Variants in PLXDC1 observed in about 807,000 individuals in gnomAD.
The protein encoded by PLXDC1 is plexin domain containing 1.
A neutral mutation model predicts 61.3 loss-of-function variants in PLXDC1; 39 were observed. That is an observed-to-expected ratio of 0.64 (90% CI 0.49 to 0.83). The LOEUF is 0.83. Among genes scored for constraint, PLXDC1 ranks in the 40% least tolerant of loss-of-function variants. The pLI is 0.00. For synonymous variants in PLXDC1, 212 were observed against 254.5 expected (o/e 0.83, Z 1.59); for missense variants, 596 against 666.5 (o/e 0.89, Z 1.17).
At chr17:39,149,622 T>C (rs2144007406) in intron 1 of PLXDC1, among the ~76,000 whole-genome samples, 1 of 152,288 alleles carries the variant, frequency 6.6e-6, no homozygotes, top group Middle Eastern at 3.4e-3. Flanking sequence ...CTTAGAGAAG[T>C]GATTCAAGTC....
At chr17:39,078,348 C>T (rs888479376) in intron 10 of PLXDC1, among the ~76,000 whole-genome samples, 3 of 152,168 alleles carry the variant, frequency 2.0e-5, no homozygotes, top group Non-Finnish European at 4.4e-5. Context: ...GGGCCCGTCA[C>T]CTTCTAGCAG....
intron 7 of PLXDC1, among the ~76,000 whole-genome samples, chr17:39,098,290 T>TA (rs1354749092): frequency 1.3e-5 from 2 of 150,392 alleles, no homozygotes; most frequent in East Asian, 3.9e-4. Flanking sequence ...TCCCGTAAGC[T>TA]AAAAACCTCT....
chr17:39,091,421 G>T (rs763849294), intron 7 of PLXDC1, among the ~76,000 whole-genome samples: 2 of 152,052 alleles, frequency 1.3e-5, no homozygotes, highest in Non-Finnish European at 2.9e-5. Flanking sequence ...TCCTTCCTTC[G>T]CCCGACTCCT....
chr17:39,139,784 C>A lies in PLXDC1; in HGVS notation c.125G>T (p.Arg42Leu), dbSNP rs35450036. 1,739 of 1,613,748 alleles carry A rather than the reference C, an allele frequency of 1.1e-3. 7 individuals carry two copies. The African/African-American group carries it at 0.014, about 13-fold the overall frequency. ...GSGWAAKGTVRGWNRRARESP... is the reference protein window; with the variant it reads ...GSGWAAKGTVLGWNRRARESP... Reference sequence around the variant, plus strand: ...CTCTCGGGCTCTCCGGTTCCAGCCCCGCACGGTCCCTTTGGCAGCCCATCC... The same window carrying A: ...CTCTCGGGCTCTCCGGTTCCAGCCCAGCACGGTCCCTTTGGCAGCCCATCC... The change falls in exon 2 of 14, where the codon CGG becomes CTG. Residue 42 changes from arginine to leucine, a missense_variant. Arg to Leu is a moderately radical substitution (Grantham distance 102). Transcript: ENST00000315392.
intron 13 of PLXDC1, 126 bp from the exon 14 acceptor site, chr17:39,068,085 G>A: frequency 1.2e-6 from 1 of 826,010 alleles, no homozygotes; most frequent in Non-Finnish European, 1.9e-6. Context: ...GGGCCTACCA[G>A]GAGCCACACA....
At chr17:39,079,366 C>G in intron 9 of PLXDC1, 1 of 610,836 alleles carries the variant, frequency 1.6e-6, no homozygotes, top group South Asian at 1.5e-5. Context: ...CCACCCAGCT[C>G]CCCAGGACCA....
At chr17:39,139,437 G>A (rs1911858210) in intron 2 of PLXDC1, among the ~76,000 whole-genome samples, 1 of 152,196 alleles carries the variant, frequency 6.6e-6, no homozygotes, top group African/African-American at 2.4e-5. Flanking sequence ...GTCCAGGAGG[G>A]AGTAGGCAGC....
At chr17:39,109,904 A>C (rs1403763269) in intron 2 of PLXDC1, among the ~76,000 whole-genome samples, 1 of 152,224 alleles carries the variant, frequency 6.6e-6, no homozygotes, top group Admixed American at 6.5e-5. Context: ...GCACTTTGGG[A>C]GGCCGAGGCG....
Position 39,139,682 on chromosome 17 carries a change from G to C in PLXDC1, c.227C>G (p.Thr76Arg). ...CACCCTGGTCCTGTTATCTGGCAGC[G>C]TGTCCATGGCCAGGGTGCCCCCACC... is the stretch of plus-strand genomic sequence containing the variant. ...DLGGGTLAMD[T>R]LPDNRTRVVE... is the part of the protein sequence containing the mutation. Residue 76 changes from threonine to arginine, a missense_variant, in exon 2 of 14, where the codon ACG (threonine) becomes AGG (arginine). By Grantham distance (71) the Thr-to-Arg change is moderately conservative. Transcript: ENST00000315392. 1 of 1,613,342 alleles carries C rather than the reference G, an allele frequency of 6.2e-7. No individual in the cohort carries two copies.
At chr17:39,080,882 T>C (rs1414673181) in intron 9 of PLXDC1, 1 of 152,596 alleles carries the variant, frequency 6.6e-6, no homozygotes. Flanking sequence ...ATTTAACTCA[T>C]AGTCTCTGAA....
At position 39,131,041 on chromosome 17, in the gene PLXDC1, C is replaced by T. The variant is rs528869970; in HGVS notation, c.255+8613G>A. Among the ~76,000 whole-genome samples the T allele has an allele frequency of 6.6e-4, 101 of 152,214 alleles. 1 individual carries two copies. The highest frequency in any genetic ancestry group is 2.3e-3 in the African/African-American group (97 of 41,512). ...CCGGGAGCAGTGTTGTGACCCGAAG[C>T]GGAGGGGAGACCACCAGGACCAAGA... On this transcript the variant is annotated intron_variant, in intron 2 of 13. Transcript: ENST00000315392.
At chr17:39,076,090 AG>A (rs1320775840) in intron 11 of PLXDC1, among the ~76,000 whole-genome samples, 58 of 63,236 alleles carry the variant, frequency 9.2e-4, no homozygotes, top group African/African-American at 2.0e-3. Context: ...AAAAAAAAAA[AG>A]AAAAAAAAAA....
chr17:39,135,429 C>A (rs1296447630), intron 2 of PLXDC1, among the ~76,000 whole-genome samples: 1 of 152,214 alleles, frequency 6.6e-6, no homozygotes, highest in Non-Finnish European at 1.5e-5. Flanking sequence ...GTAATCCCAG[C>A]ACTTTGGGAG....
intron 5 of PLXDC1, 112 bp from the exon 6 acceptor site, chr17:39,107,637 G>C: frequency 1.2e-6 from 1 of 805,896 alleles, no homozygotes; most frequent in Non-Finnish European, 2.2e-6. Context: ...TCGGGATGAT[G>C]GGGAAGTTTG....
intron 2 of PLXDC1, among the ~76,000 whole-genome samples, chr17:39,116,152 G>A (rs1010116463): frequency 6.6e-5 from 10 of 152,222 alleles, no homozygotes; most frequent in African/African-American, 1.9e-4. Flanking sequence ...TAATGTAACT[G>A]TATGAAACCA....
chr17:39,066,911 C>T lies in PLXDC1; in HGVS notation c.*929G>A, dbSNP rs1179137097. On this transcript the variant is annotated 3_prime_UTR_variant, in exon 14 of 14. Transcript: ENST00000315392. ...GGACCAGCTTGTGAGTCTAGGGAAC[C>T]TGGAATGCAGCAGCCCCAATCTTGA... is the stretch of plus-strand genomic sequence containing the variant. The T allele has an allele frequency of 6.6e-6, 1 of 152,278 alleles. No homozygotes were observed. Among genetic ancestry groups the T allele is most frequent in the East Asian group, 1.9e-4 (1 of 5,198 alleles). The allele number at this position is 152,278 out of a possible 1,614,324, so 9.4% of individuals were successfully genotyped here.
At position 39,092,552 on chromosome 17, in the gene PLXDC1, G is replaced by C. The variant is rs562899040; in HGVS notation, c.812-4850C>G. ...TGAGTGCAGAGCACTCTGTTAGCTC[G>C]CAGCCTTGCAGGTTCCCTGGAGCTG... On this transcript the variant is annotated intron_variant, in intron 7 of 13. Transcript: ENST00000315392. Among the ~76,000 whole-genome samples the C allele has an allele frequency of 5.7e-3, 861 of 152,356 alleles. 11 individuals carry two copies. The highest frequency in any genetic ancestry group is 0.02 in the African/African-American group (826 of 41,580).
chr17:39,093,645 G>C (rs2143543760), intron 7 of PLXDC1, among the ~76,000 whole-genome samples: 1 of 152,190 alleles, frequency 6.6e-6, no homozygotes, highest in Non-Finnish European at 1.5e-5. Flanking sequence ...GAACCCGGGA[G>C]GCAGAGGCTG....
At chr17:39,068,007 T>A (rs1908961413) in intron 13 of PLXDC1, 48 bp from the exon 14 acceptor site, 4 of 1,597,554 alleles carry the variant, frequency 2.5e-6, no homozygotes, top group Non-Finnish European at 3.4e-6. Flanking sequence ...CCCGCCCCCA[T>A]GGGGACCCCA....
Sources: gnomAD v4.1 joint callset for allele counts (sites outside exome capture counted in the v4.1 genomes callset) on GRCh38, gnomAD v4.1.1 for gene constraint, MANE v1.5 for transcripts, NCBI Gene and HGNC (gene_info 2026-07-23, HGNC 2026-07-21) for gene names.